Variants in ADAMTS12 observed in about 807,000 individuals in gnomAD.
The protein encoded by ADAMTS12 is A disintegrin and metalloproteinase with thrombospondin motifs 12.
A neutral mutation model predicts 167.8 loss-of-function variants in ADAMTS12; 118 were observed. That is an observed-to-expected ratio of 0.70 (90% confidence interval 0.61 to 0.82). The LOEUF is 0.82. Ranked by LOEUF, ADAMTS12 falls within the 40% of genes least tolerant of loss-of-function variation. ADAMTS12 has a pLI of 0.00. For synonymous variants in ADAMTS12, 704 were observed against 716.9 expected (o/e 0.98, Z 0.29); for missense variants, 1,916 against 1,998.8 (o/e 0.96, Z 0.79).
At chr5:33,859,572 G>A (rs900107255) in intron 2 of ADAMTS12, among the ~76,000 whole-genome samples, 3 of 152,222 alleles carry the variant, frequency 2.0e-5, no homozygotes, top group African/African-American at 7.2e-5. Flanking sequence ...AGGGGTGGCT[G>A]TGGGCACACC....
chr5:33,844,238 G>GA (rs1181170662), intron 2 of ADAMTS12, among the ~76,000 whole-genome samples: 1 of 152,098 alleles, frequency 6.6e-6, no homozygotes, highest in East Asian at 1.9e-4. Flanking sequence ...TGGGCACCTT[G>GA]AAAAAAGAAC....
At chr5:33,863,736 C>T (rs948802288) in intron 2 of ADAMTS12, among the ~76,000 whole-genome samples, 13 of 152,050 alleles carry the variant, frequency 8.5e-5, no homozygotes, top group East Asian at 1.9e-4. Context: ...AAAAAGAGCC[C>T]GTAGAGCCAA....
chr5:33,565,014 G>A (rs1745942077), intron 19 of ADAMTS12, among the ~76,000 whole-genome samples: 1 of 152,182 alleles, frequency 6.6e-6, no homozygotes, highest in Non-Finnish European at 1.5e-5. Flanking sequence ...TGGTGATTGG[G>A]AGATAAGTGA....
intron 21 of ADAMTS12, 74 bp from the exon 22 acceptor site, chr5:33,546,276 A>T: frequency 7.0e-7 from 1 of 1,424,562 alleles, no homozygotes; most frequent in Non-Finnish European, 9.4e-7. Flanking sequence ...AGAACTTCGT[A>T]CTGTCATTTT....
At chr5:33,854,118 T>A (rs58082900) in intron 2 of ADAMTS12, among the ~76,000 whole-genome samples, 92 of 152,232 alleles carry the variant, frequency 6.0e-4, no homozygotes, top group African/African-American at 2.0e-3. Context: ...AAAGATCACC[T>A]CCAATGACCA....
intron 5 of ADAMTS12, among the ~76,000 whole-genome samples, chr5:33,670,674 A>G (rs12189439): frequency 0.95 from 144,885 of 152,082 alleles, 69,411 homozygotes; most frequent in Non-Finnish European, 1. Flanking sequence ...TCCGGGAGTC[A>G]GAGGTTGCGG....
chr5:33,745,463 T>A (rs1968600), intron 3 of ADAMTS12, among the ~76,000 whole-genome samples: 107,571 of 152,018 alleles, frequency 0.71, 38,317 homozygotes, highest in Non-Finnish European at 0.75. Context: ...GCTCATATTG[T>A]TCCAAAGGCA....
chr5:33,783,225 C>T (rs1419466739), intron 2 of ADAMTS12, among the ~76,000 whole-genome samples: 1 of 151,708 alleles, frequency 6.6e-6, no homozygotes, highest in Non-Finnish European at 1.5e-5. Flanking sequence ...GGAAACAAAA[C>T]ATGTGAATTT....
chr5:33,706,094 T>C (rs907968633), intron 3 of ADAMTS12, among the ~76,000 whole-genome samples: 3 of 152,140 alleles, frequency 2.0e-5, no homozygotes, highest in Non-Finnish European at 4.4e-5. Context: ...CCAATGACTT[T>C]TTTTTAAAAA....
chr5:33,747,266 A>C (rs1342260687), intron 3 of ADAMTS12, among the ~76,000 whole-genome samples: 1 of 152,188 alleles, frequency 6.6e-6, no homozygotes, highest in Non-Finnish European at 1.5e-5. Flanking sequence ...ACAACTATTC[A>C]TTGAGAATCT....
intron 2 of ADAMTS12, among the ~76,000 whole-genome samples, chr5:33,788,718 G>T (rs1396733263): frequency 6.6e-6 from 1 of 152,158 alleles, no homozygotes; most frequent in African/African-American, 2.4e-5. Context: ...TCAACAGGAG[G>T]AAGTGGCTTT....
At chr5:33,745,159 G>C (rs1226173388) in intron 3 of ADAMTS12, among the ~76,000 whole-genome samples, 2 of 152,084 alleles carry the variant, frequency 1.3e-5, no homozygotes, top group Non-Finnish European at 2.9e-5. Flanking sequence ...TTTCTCATCA[G>C]AACTTCTGAT....
Position 33,881,495 on chromosome 5 carries a change from G to A in ADAMTS12, c.128-15C>T. On this transcript the variant is annotated splice_polypyrimidine_tract_variant and intron_variant, in intron 1 of 23. Transcript: ENST00000504830. ...GATAAAATGCTCTGAAAGAAAAGGA[G>A]AAATGGAAGAACAGTGAGGGAGATT... is the stretch of plus-strand genomic sequence containing the variant. 2 of 1,604,934 alleles carry A rather than the reference G, an allele frequency of 1.2e-6. No individual in the cohort carries two copies. The highest frequency in any genetic ancestry group is 1.7e-6 in the Non-Finnish European group (2 of 1,177,978).
chr5:33,551,362 A>C (rs1258333997), intron 20 of ADAMTS12, among the ~76,000 whole-genome samples: 1 of 152,230 alleles, frequency 6.6e-6, no homozygotes, highest in African/African-American at 2.4e-5. Flanking sequence ...GAAATAAGCA[A>C]TACTTGCCAA....
intron 3 of ADAMTS12, among the ~76,000 whole-genome samples, chr5:33,743,687 C>A (rs1744681080): frequency 6.6e-6 from 1 of 152,188 alleles, no homozygotes; most frequent in South Asian, 2.1e-4. Context: ...CTATCTGCGT[C>A]TATCCATCCA....
chr5:33,649,497 T>C (rs976713376), intron 8 of ADAMTS12, 57 bp downstream of exon 8: 5 of 1,586,490 alleles, frequency 3.2e-6, no homozygotes, highest in South Asian at 1.1e-5. Context: ...TAAAACTCAA[T>C]GCAGCTTCCA....
chr5:33,678,001 G>A lies in ADAMTS12; in HGVS notation c.915+5017C>T, dbSNP rs185920722. 8.5e-5 allele frequency among the ~76,000 whole-genome samples: 13 copies of A among 152,084 alleles called. No individual in the cohort carries two copies. In the East Asian group the frequency reaches 1.9e-3, roughly 23 times the overall value. Reference sequence around the variant, plus strand: ...AACCTCAAGGTCTGTTGAAACCACCGCAGAAAAATAAAGCCCCAAATGGTG... The same window carrying A: ...AACCTCAAGGTCTGTTGAAACCACCACAGAAAAATAAAGCCCCAAATGGTG... On this transcript the variant is annotated intron_variant, in intron 5 of 23. Transcript: ENST00000504830.
chr5:33,561,294 G>T, intron 19 of ADAMTS12, 115 bp from the exon 20 acceptor site: 1 of 1,334,046 alleles, frequency 7.5e-7, no homozygotes, highest in Non-Finnish European at 1.0e-6. Context: ...TGCCCACAGA[G>T]CTTTTTAAAA....
intron 8 of ADAMTS12, among the ~76,000 whole-genome samples, chr5:33,649,345 C>T (rs761802510): frequency 1.3e-5 from 2 of 152,180 alleles, no homozygotes; most frequent in Non-Finnish European, 2.9e-5. Context: ...ACAGGATGCT[C>T]ACCTGCCTGT....
Sources: allele counts gnomAD v4.1 joint callset (sites outside exome capture counted in the v4.1 genomes callset), GRCh38; gene constraint gnomAD v4.1.1; transcripts MANE v1.5; gene names NCBI Gene and HGNC (gene_info 2026-07-23, HGNC 2026-07-21).